Variants in PDZRN4 observed in about 807,000 individuals in gnomAD.
The protein encoded by PDZRN4 is PDZ domain-containing RING finger protein 4.
PDZRN4 carries 70 observed loss-of-function variants against 99.0 expected under a neutral mutation model. The observed-to-expected ratio is 0.71, with a 90% CI of 0.58 to 0.86. The LOEUF (loss-of-function observed/expected upper bound fraction) is 0.86, where lower values mean the gene tolerates loss of function less well. Ranked by LOEUF, PDZRN4 falls within the 40% of genes least tolerant of loss-of-function variation. The pLI, the probability that PDZRN4 is intolerant of heterozygous loss-of-function variation, is 0.00. For missense variants in PDZRN4, 1,474 were observed against 1,331.2 expected (o/e 1.11, Z -1.67); for synonymous variants, 551 against 501.6 (o/e 1.10, Z -1.32).
intron 5 of PDZRN4, among the ~76,000 whole-genome samples, chr12:41,514,666 A>G (rs1938369120): frequency 6.6e-6 from 1 of 152,048 alleles, no homozygotes; most frequent in African/African-American, 2.4e-5. Context: ...GAGGGTTCCC[A>G]TTGGTGTCTG....
At chr12:41,464,142 A>G (rs755343175) in intron 3 of PDZRN4, among the ~76,000 whole-genome samples, 2 of 152,184 alleles carry the variant, frequency 1.3e-5, no homozygotes, top group Non-Finnish European at 2.9e-5. Context: ...GCCATGTTCA[A>G]CCAGAATAGT....
chr12:41,354,561 A>C (rs569954946), intron 3 of PDZRN4, among the ~76,000 whole-genome samples: 2 of 152,220 alleles, frequency 1.3e-5, no homozygotes, highest in East Asian at 3.9e-4. Context: ...TGAATTCATA[A>C]ATGAAGGAGA....
chr12:41,553,867 T>C (rs968123522), intron 6 of PDZRN4, among the ~76,000 whole-genome samples: 2 of 73,076 alleles, frequency 2.7e-5, no homozygotes, highest in Admixed American at 3.2e-4. Context: ...GCCATAATCT[T>C]GAAAACGTTA....
At chr12:41,504,215 C>A (rs185997401) in intron 3 of PDZRN4, among the ~76,000 whole-genome samples, 24 of 152,236 alleles carry the variant, frequency 1.6e-4, no homozygotes, top group African/African-American at 5.8e-4. Context: ...TTATGGTGAG[C>A]TGAGATCACG....
chr12:41,291,947 C>T lies in PDZRN4; in HGVS notation c.843+97759C>T, dbSNP rs189483604. 1.0e-3 allele frequency among the ~76,000 whole-genome samples: 152 copies of T among 152,234 alleles called. 3 individuals are homozygous for T. The highest frequency in any genetic ancestry group is 3.5e-3 in the African/African-American group (147 of 41,542). On this transcript the variant is annotated intron_variant, in intron 3 of 9. Coordinates refer to ENST00000402685, the MANE Select transcript of PDZRN4 (RefSeq NM_001164595.2). ...CCTGAGTACCAAACTGGGAGGAAGG[C>T]AGGACCAGGATAACTGGAAATATAC...
At chr12:41,298,469 T>A (rs1951509916) in intron 3 of PDZRN4, among the ~76,000 whole-genome samples, 1 of 152,176 alleles carries the variant, frequency 6.6e-6, no homozygotes, top group South Asian at 2.1e-4. Context: ...TGCATATACT[T>A]CATCCCCTGT....
intron 5 of PDZRN4, among the ~76,000 whole-genome samples, chr12:41,550,989 C>T (rs924618837): frequency 6.6e-6 from 1 of 152,144 alleles, no homozygotes; most frequent in African/African-American, 2.4e-5. Flanking sequence ...TCATTTTGTA[C>T]TGGTAACTAT....
chr12:41,485,442 G>T (rs1565595207), intron 3 of PDZRN4, among the ~76,000 whole-genome samples: 1 of 152,132 alleles, frequency 6.6e-6, no homozygotes, highest in Non-Finnish European at 1.5e-5. Flanking sequence ...CTCACCGGAG[G>T]TGTTGCTATT....
At position 41,570,924 on chromosome 12, in the gene PDZRN4, A is replaced by G. The variant is rs148662298; in HGVS notation, c.1585-1440A>G. ...TTGAGAGTCATAGAAAAGCTGATAC[A>G]TGGTTATGTTCTCTCCTCTTGATAT... is the stretch of plus-strand genomic sequence containing the variant. On this transcript the variant is annotated intron_variant, in intron 9 of 9. Transcript: ENST00000402685. Among the ~76,000 whole-genome samples the G allele has an allele frequency of 1.6e-3, 250 of 152,268 alleles. 1 individual carries two copies. Among genetic ancestry groups the G allele is most frequent in the Middle Eastern group, 0.014 (4 of 294 alleles).
intron 3 of PDZRN4, among the ~76,000 whole-genome samples, chr12:41,462,529 C>T (rs951562482): frequency 2.4e-4 from 36 of 152,162 alleles, no homozygotes; most frequent in African/African-American, 8.7e-4. Context: ...GTCATTCCTT[C>T]AGAAGAGTTC....
At chr12:41,318,028 C>T (rs547229021) in intron 3 of PDZRN4, among the ~76,000 whole-genome samples, 10 of 152,156 alleles carry the variant, frequency 6.6e-5, no homozygotes, top group African/African-American at 2.4e-4. Context: ...TGCTTTATCC[C>T]TTAAACAATA....
chr12:41,542,280 T>C (rs887615251), intron 5 of PDZRN4, among the ~76,000 whole-genome samples: 1 of 152,170 alleles, frequency 6.6e-6, no homozygotes, highest in East Asian at 1.9e-4. Context: ...GACATTACAA[T>C]AGGGATTTGA....
intron 5 of PDZRN4, among the ~76,000 whole-genome samples, chr12:41,533,967 AC>A (rs1938707316): frequency 6.6e-6 from 1 of 152,096 alleles, no homozygotes; most frequent in African/African-American, 2.4e-5. Context: ...AGTAATATAT[AC>A]TATTTCTATT....
chr12:41,467,892 A>G (rs1426294667), intron 3 of PDZRN4, among the ~76,000 whole-genome samples: 2 of 152,184 alleles, frequency 1.3e-5, no homozygotes, highest in Non-Finnish European at 2.9e-5. Flanking sequence ...ACTAGTTGCT[A>G]TTCTTACTGA....
chr12:41,265,802 G>T (rs139136528), intron 3 of PDZRN4, among the ~76,000 whole-genome samples: 1,637 of 152,236 alleles, frequency 0.011, 29 homozygotes, highest in African/African-American at 0.036. Flanking sequence ...AAACCAGAAT[G>T]ATGTGCCATA....
At chr12:41,551,834 A>G (rs1007938369) in intron 5 of PDZRN4, among the ~76,000 whole-genome samples, 1 of 152,200 alleles carries the variant, frequency 6.6e-6, no homozygotes, top group Admixed American at 6.5e-5. Context: ...TCCTGAAGTC[A>G]TCGGCTTCTG....
At chr12:41,494,768 C>G (rs938034120) in intron 3 of PDZRN4, among the ~76,000 whole-genome samples, 1 of 152,092 alleles carries the variant, frequency 6.6e-6, no homozygotes, top group Admixed American at 6.6e-5. Flanking sequence ...TTTGGCCTTT[C>G]TACTGTGATT....
chr12:41,308,167 C>G (rs1223274191), intron 3 of PDZRN4, among the ~76,000 whole-genome samples: 2 of 151,954 alleles, frequency 1.3e-5, no homozygotes, highest in Non-Finnish European at 2.9e-5. Context: ...TAACATTTTT[C>G]CCTTTACCTT....
chr12:41,545,917 G>A (rs1370805607), intron 5 of PDZRN4, among the ~76,000 whole-genome samples: 1 of 152,024 alleles, frequency 6.6e-6, no homozygotes, highest in Non-Finnish European at 1.5e-5. Flanking sequence ...TGGGAGAGCA[G>A]AAAGTTGAGG....
Sources: gnomAD v4.1 joint callset for allele counts (sites outside exome capture counted in the v4.1 genomes callset) on GRCh38, gnomAD v4.1.1 for gene constraint, MANE v1.5 for transcripts, NCBI Gene and HGNC (gene_info 2026-07-23, HGNC 2026-07-21) for gene names.